The following SNTG1 variants were observed in gnomAD, a reference collection of about 807,000 sequenced individuals.
SNTG1 encodes syntrophin gamma 1, also known as gamma-1-syntrophin.
SNTG1 carries 39 observed loss-of-function variants against 74.7 expected under a neutral mutation model. The ratio of observed to expected loss-of-function variants is 0.52; its 90% CI spans 0.40 to 0.68. The LOEUF (loss-of-function observed/expected upper bound fraction) is 0.68. Among genes scored for constraint, SNTG1 ranks in the 30% least tolerant of loss-of-function variants. The pLI, the probability that SNTG1 is intolerant of heterozygous loss-of-function variation, is 0.00. For synonymous variants in SNTG1, 254 were observed against 217.1 expected (o/e 1.17, Z -1.49); for missense variants, 685 against 609.5 (o/e 1.12, Z -1.30).
At chr8:50,576,464 A>T (rs2094577545) in intron 12 of SNTG1, among the ~76,000 whole-genome samples, 1 of 152,144 alleles carries the variant, frequency 6.6e-6, no homozygotes, top group Non-Finnish European at 1.5e-5. Context: ...TTGAGATTCC[A>T]CGCAAATTTT....
chr8:50,428,355 A>G (rs1189986621), intron 4 of SNTG1, among the ~76,000 whole-genome samples: 2 of 152,120 alleles, frequency 1.3e-5, no homozygotes, highest in African/African-American at 2.4e-5. Flanking sequence ...GGGGATGAAT[A>G]TATGGGCAGT....
intron 17 of SNTG1, among the ~76,000 whole-genome samples, chr8:50,744,019 C>T (rs1397147893): frequency 6.6e-6 from 1 of 151,832 alleles, no homozygotes; most frequent in Non-Finnish European, 1.5e-5. Flanking sequence ...TTCCTATGAA[C>T]CCAGACTGAG....
At chr8:50,065,448 A>G (rs1199754912) in intron 1 of SNTG1, among the ~76,000 whole-genome samples, 2 of 152,206 alleles carry the variant, frequency 1.3e-5, no homozygotes, top group Non-Finnish European at 2.9e-5. Context: ...TTCAAATCCA[A>G]TTTAGTGATA....
chr8:50,426,196 C>T (rs1231739985), intron 4 of SNTG1, among the ~76,000 whole-genome samples: 2 of 152,048 alleles, frequency 1.3e-5, no homozygotes, highest in Admixed American at 6.6e-5. Context: ...AGTCCAGGAT[C>T]GCATCCAGGA....
intron 2 of SNTG1, among the ~76,000 whole-genome samples, chr8:50,211,372 A>G (rs1214778824): frequency 6.6e-6 from 1 of 152,170 alleles, no homozygotes; most frequent in East Asian, 1.9e-4. Context: ...GAGAAATATT[A>G]CATTTCATTT....
intron 5 of SNTG1, among the ~76,000 whole-genome samples, chr8:50,448,619 C>T (rs1028396536): frequency 6.6e-6 from 1 of 152,204 alleles, no homozygotes; most frequent in African/African-American, 2.4e-5. Context: ...TTAACCTTCT[C>T]AACTCTGTAA....
At chr8:50,329,090 C>T (rs996888520) in intron 2 of SNTG1, among the ~76,000 whole-genome samples, 2 of 152,166 alleles carry the variant, frequency 1.3e-5, no homozygotes, top group African/African-American at 4.8e-5. Context: ...TCTTTTACTC[C>T]ATGTCTCACA....
intron 2 of SNTG1, among the ~76,000 whole-genome samples, chr8:50,212,682 G>C (rs1422690767): frequency 6.6e-6 from 1 of 152,108 alleles, no homozygotes; most frequent in Non-Finnish European, 1.5e-5. Context: ...TCTAGCATGT[G>C]GTCTACTCAC....
At position 50,382,897 on chromosome 8, in the gene SNTG1, G is replaced by A. The variant is rs1198187683; in HGVS notation, c.-27-11315G>A. Among the ~76,000 whole-genome samples the A allele has an allele frequency of 3.9e-5, 6 of 152,266 alleles. 1 individual carries two copies. The South Asian group carries it at 1.2e-3, about 32-fold the overall frequency. On this transcript the variant is annotated intron_variant, in intron 2 of 18. Transcript: ENST00000642720. ...CTGGCAGAATGGAAACTCTTGGGCAGGAGTTGGTGCTGCCTACTCGAAACA... is the reference window on the plus strand; with the variant it reads ...CTGGCAGAATGGAAACTCTTGGGCAAGAGTTGGTGCTGCCTACTCGAAACA...
chr8:50,508,153 G>A (rs2094026774), intron 9 of SNTG1, among the ~76,000 whole-genome samples: 1 of 152,142 alleles, frequency 6.6e-6, no homozygotes, highest in Non-Finnish European at 1.5e-5. Context: ...CTACCTATGA[G>A]TGAGAACAAG....
At chr8:50,740,568 G>T (rs1045639104) in intron 17 of SNTG1, among the ~76,000 whole-genome samples, 1 of 152,032 alleles carries the variant, frequency 6.6e-6, no homozygotes, top group Non-Finnish European at 1.5e-5. Context: ...AACCATTGTG[G>T]AAGACAGTAT....
chr8:50,492,202 G>A (rs1469239778), intron 8 of SNTG1, among the ~76,000 whole-genome samples: 1 of 152,172 alleles, frequency 6.6e-6, no homozygotes, highest in East Asian at 1.9e-4. Context: ...ACATATGTGT[G>A]CATGTGTCTT....
intron 8 of SNTG1, among the ~76,000 whole-genome samples, chr8:50,453,669 G>A (rs1020422180): frequency 6.6e-6 from 1 of 152,200 alleles, no homozygotes; most frequent in Non-Finnish European, 1.5e-5. Flanking sequence ...TACCATATGT[G>A]AAACTCCAAG....
At chr8:50,029,620 C>G (rs1423118143) in intron 1 of SNTG1, among the ~76,000 whole-genome samples, 1 of 152,084 alleles carries the variant, frequency 6.6e-6, no homozygotes, top group Non-Finnish European at 1.5e-5. Flanking sequence ...CTTTCTGTGC[C>G]TTGCTCATTT....
At chr8:50,013,489 A>C (rs1019034272) in intron 1 of SNTG1, among the ~76,000 whole-genome samples, 1 of 151,880 alleles carries the variant, frequency 6.6e-6, no homozygotes, top group Non-Finnish European at 1.5e-5. Context: ...ATAGATAGAT[A>C]GATAGATAGA....
intron 5 of SNTG1, among the ~76,000 whole-genome samples, chr8:50,439,894 A>C (rs2093342817): frequency 1.3e-5 from 2 of 151,620 alleles, no homozygotes; most frequent in Non-Finnish European, 1.5e-5. Flanking sequence ...TAGAGCTTCC[A>C]TTAATTTTGT....
At chr8:50,563,121 A>C (rs1321094795) in intron 12 of SNTG1, among the ~76,000 whole-genome samples, 2 of 152,166 alleles carry the variant, frequency 1.3e-5, no homozygotes, top group Non-Finnish European at 2.9e-5. Flanking sequence ...GGCAGTCACA[A>C]CTGAGAAAGA....
chr8:50,704,897 T>C, intron 16 of SNTG1, 145 bp downstream of exon 16: 3 of 916,580 alleles, frequency 3.3e-6, no homozygotes, highest in Non-Finnish European at 4.8e-6. Context: ...GCCATTTTTG[T>C]TTAGTGACTA....
chr8:50,471,320 A>C (rs541079399), intron 8 of SNTG1, among the ~76,000 whole-genome samples: 3 of 152,234 alleles, frequency 2.0e-5, no homozygotes, highest in South Asian at 4.1e-4. Context: ...TTATGAGCTA[A>C]TACCTTTGCG....
Sources: allele counts gnomAD v4.1 joint callset (sites outside exome capture counted in the v4.1 genomes callset), GRCh38; gene constraint gnomAD v4.1.1; transcripts MANE v1.5; gene names NCBI Gene and HGNC (gene_info 2026-07-23, HGNC 2026-07-21).